EXOC4: variants seen among roughly 807,000 people sequenced by gnomAD.
EXOC4 encodes SEC8-like 1.
In EXOC4, 71 loss-of-function variants were observed where a neutral mutation model predicts 107.2. The ratio of observed to expected loss-of-function variants is 0.66; its 90% confidence interval spans 0.55 to 0.81. The LOEUF (loss-of-function observed/expected upper bound fraction) is 0.81. Among genes scored for constraint, EXOC4 ranks in the 30% least tolerant of loss-of-function variants. EXOC4 has a pLI of 0.00. For synonymous variants in EXOC4, 456 were observed against 441.2 expected (o/e 1.03, Z -0.42); for missense variants, 1,108 against 1,189.6 (o/e 0.93, Z 1.01).
At position 133,487,573 on chromosome 7, in the gene EXOC4, G is replaced by A. The variant is rs113948251; in HGVS notation, c.1417+7435G>A. On this transcript the variant is annotated intron_variant, in intron 9 of 17. Coordinates refer to ENST00000253861, the MANE Select transcript of EXOC4 (RefSeq NM_021807.4). ...AAAATACAAAAATCAGCTGGGTGTG[G>A]TGGTATGTACCTGTAGTCCTAGCTA... Among the ~76,000 whole-genome samples, 552 of 152,218 alleles carry A rather than the reference G, an allele frequency of 3.6e-3. 5 individuals are homozygous for A. The highest frequency in any genetic ancestry group is 0.012 in the African/African-American group (515 of 41,538).
chr7:133,774,130 C>T (rs1181881839), intron 10 of EXOC4, among the ~76,000 whole-genome samples: 3 of 152,096 alleles, frequency 2.0e-5, no homozygotes, highest in Non-Finnish European at 4.4e-5. Flanking sequence ...ATTCTCTACC[C>T]AATGAGCTAA....
At chr7:133,838,996 G>A (rs899268488) in intron 11 of EXOC4, among the ~76,000 whole-genome samples, 3 of 152,152 alleles carry the variant, frequency 2.0e-5, no homozygotes, top group Middle Eastern at 3.2e-3. Context: ...ATGTCTACAT[G>A]GGATTGTTTT....
chr7:133,872,922 A>C (rs768606734), intron 11 of EXOC4, among the ~76,000 whole-genome samples: 1 of 152,232 alleles, frequency 6.6e-6, no homozygotes, highest in Non-Finnish European at 1.5e-5. Context: ...TCTGCTTTTT[A>C]AAACATATGA....
chr7:133,670,240 T>C (rs1385536292), intron 10 of EXOC4, among the ~76,000 whole-genome samples: 2 of 152,240 alleles, frequency 1.3e-5, no homozygotes, highest in East Asian at 3.9e-4. Flanking sequence ...GTTAAAATTC[T>C]AGCCATGCAG....
chr7:133,729,126 T>G (rs532080240), intron 10 of EXOC4, among the ~76,000 whole-genome samples: 8 of 152,260 alleles, frequency 5.3e-5, no homozygotes, highest in African/African-American at 1.4e-4. Flanking sequence ...TGTTGGTTAT[T>G]GATGAATTTT....
intron 10 of EXOC4, among the ~76,000 whole-genome samples, chr7:133,683,179 C>T (rs1009169694): frequency 6.6e-6 from 1 of 152,192 alleles, no homozygotes; most frequent in African/African-American, 2.4e-5. Context: ...ATAGCTCATT[C>T]TAGCTGACAC....
intron 11 of EXOC4, among the ~76,000 whole-genome samples, chr7:133,834,250 A>G (rs1270544004): frequency 6.6e-6 from 1 of 152,156 alleles, no homozygotes. Flanking sequence ...GGCATGCCAC[A>G]GTACCAGACA....
intron 11 of EXOC4, among the ~76,000 whole-genome samples, chr7:133,849,535 G>A (rs529835640): frequency 8.5e-5 from 13 of 152,174 alleles, no homozygotes; most frequent in African/African-American, 1.9e-4. Context: ...TTAATTGTAC[G>A]TTTACATAGG....
rs898791748 is a variant in EXOC4 at position 133,623,379 on chromosome 7, G to A, written c.1418-6666G>A. Among the ~76,000 whole-genome samples, 36 of 152,220 alleles carry A rather than the reference G, an allele frequency of 2.4e-4. 1 individual carries two copies. The highest frequency in any genetic ancestry group is 1.8e-3 in the Admixed American group (28 of 15,284). ...GGATTTCTCACTGAGCAAACTTTATGTAAAAACATAATTACTATTTGCTCC... is the reference window on the plus strand; with the variant it reads ...GGATTTCTCACTGAGCAAACTTTATATAAAAACATAATTACTATTTGCTCC... On this transcript the variant is annotated intron_variant, in intron 9 of 17. Transcript: ENST00000253861.
intron 9 of EXOC4, chr7:133,576,826 G>A (rs1410350783): frequency 1.2e-5 from 15 of 1,289,424 alleles, no homozygotes; most frequent in Non-Finnish European, 9.1e-6. Context: ...TGAACTCCTC[G>A]AGATTTAGGG....
At chr7:133,610,986 ATTT>A (rs35833319) in intron 9 of EXOC4, among the ~76,000 whole-genome samples, 11 of 116,776 alleles carry the variant, frequency 9.4e-5, no homozygotes, top group Non-Finnish European at 1.1e-4. Context: ...TGTTTTCTCT[ATTT>A]TTTTTTTTTT....
chr7:133,430,913 C>G (rs1331912256), intron 7 of EXOC4, among the ~76,000 whole-genome samples: 1 of 152,140 alleles, frequency 6.6e-6, no homozygotes, highest in East Asian at 1.9e-4. Flanking sequence ...AATGGAAAAT[C>G]CCTGAAGTTT....
intron 11 of EXOC4, among the ~76,000 whole-genome samples, chr7:133,888,781 G>T (rs1799141744): frequency 6.6e-6 from 1 of 152,076 alleles, no homozygotes; most frequent in Non-Finnish European, 1.5e-5. Context: ...GAGGCAGAAT[G>T]GTATACTTAG....
chr7:133,856,465 C>A (rs1405259440), intron 11 of EXOC4, among the ~76,000 whole-genome samples: 3 of 152,224 alleles, frequency 2.0e-5, no homozygotes, highest in Non-Finnish European at 4.4e-5. Context: ...TTACTTCTCT[C>A]ACTCACAAGT....
chr7:133,258,816 GAGTCAGCTGA>G (rs1795075584), intron 1 of EXOC4, among the ~76,000 whole-genome samples: 2 of 152,172 alleles, frequency 1.3e-5, no homozygotes, highest in Admixed American at 6.5e-5. Flanking sequence ...GGTAATTTGA[GAGTCAGCTGA>G]AGAAGCTAGA....
At chr7:133,472,226 TTGA>T (rs1211777832) in intron 7 of EXOC4, among the ~76,000 whole-genome samples, 7 of 152,148 alleles carry the variant, frequency 4.6e-5, no homozygotes, top group African/African-American at 1.7e-4. Context: ...TGTCAGTCTG[TTGA>T]TATTACGTGA....
At chr7:133,615,389 T>C (rs1411270443) in intron 9 of EXOC4, among the ~76,000 whole-genome samples, 2 of 152,194 alleles carry the variant, frequency 1.3e-5, no homozygotes. Context: ...TCTGTAGCTT[T>C]ATTATAACAA....
rs1198588346 is a variant in EXOC4, at chr7:133,755,283, T to G, written c.1515-62042T>G. 2.7e-4 allele frequency among the ~76,000 whole-genome samples: 28 copies of G among 104,082 alleles called. No individual in the cohort carries two copies. The East Asian group carries it at 6.0e-3, about 22-fold the overall frequency. 68.3% of individuals were successfully genotyped at this position (104,082 alleles called of 152,430 possible). ...TATATATTATATATATTATATATAT[T>G]ATATACATATTATATATATTATATA... On this transcript the variant is annotated intron_variant, in intron 10 of 17. Transcript: ENST00000253861.
chr7:133,541,218 T>C (rs1220560021), intron 9 of EXOC4, among the ~76,000 whole-genome samples: 1 of 152,180 alleles, frequency 6.6e-6, no homozygotes, highest in African/African-American at 2.4e-5. Flanking sequence ...GCAGGAAGTA[T>C]CAGCTAGAAG....
Sources: gnomAD v4.1 joint callset for allele counts (sites outside exome capture counted in the v4.1 genomes callset) on GRCh38, gnomAD v4.1.1 for gene constraint, MANE v1.5 for transcripts, NCBI Gene and HGNC (gene_info 2026-07-23, HGNC 2026-07-21) for gene names.